The following SVIL variants were observed in gnomAD, a reference collection of about 807,000 sequenced individuals.
The protein encoded by SVIL is supervillin, also known as archvillin.
A neutral mutation model predicts 240.4 loss-of-function variants in SVIL; 101 were observed. The observed-to-expected ratio is 0.42, with a 90% CI of 0.36 to 0.50. The LOEUF is 0.50. Among genes scored for constraint, SVIL ranks in the 20% least tolerant of loss-of-function variants. The pLI, the probability that SVIL is intolerant of heterozygous loss-of-function variation, is 0.01. For missense variants in SVIL, 2,512 were observed against 2,818.7 expected (o/e 0.89, Z 2.46); for synonymous variants, 999 against 1,100.0 (o/e 0.91, Z 1.82).
intron 3 of SVIL, 139 bp from the exon 4 acceptor site, chr10:29,555,247 G>T: frequency 1.2e-6 from 1 of 845,086 alleles, no homozygotes; most frequent in Non-Finnish European, 1.8e-6. Context: ...AACTGACCAA[G>T]TTCCTGCTTT....
intron 1 of SVIL, among the ~76,000 whole-genome samples, chr10:29,714,257 TC>T (rs1279293270): frequency 6.6e-6 from 1 of 152,150 alleles, no homozygotes; most frequent in Admixed American, 6.5e-5. Flanking sequence ...GTCATCTCCA[TC>T]CCGAGGGATT....
intron 6 of SVIL, among the ~76,000 whole-genome samples, chr10:29,549,713 T>C (rs1953056196): frequency 7.0e-6 from 1 of 142,900 alleles, no homozygotes; most frequent in African/African-American, 2.6e-5. Flanking sequence ...TGAGTTCATG[T>C]CCTTTGCAGG....
At chr10:29,462,775 G>A (rs116879367) in intron 35 of SVIL, among the ~76,000 whole-genome samples, 12 of 152,166 alleles carry the variant, frequency 7.9e-5, no homozygotes, top group Non-Finnish European at 1.2e-4. Context: ...AATGACTGAC[G>A]GCGAACGACA....
intron 1 of SVIL, among the ~76,000 whole-genome samples, chr10:29,578,249 C>T (rs1046361519): frequency 6.6e-6 from 1 of 152,222 alleles, no homozygotes; most frequent in African/African-American, 2.4e-5. Context: ...AGTAACTTCT[C>T]TATTTTCCAA....
intron 1 of SVIL, chr10:29,576,251 T>TGAGAAGAAGAGTG: frequency 3.0e-6 from 1 of 334,148 alleles, no homozygotes; most frequent in Non-Finnish European, 4.3e-6. Flanking sequence ...TGTGCACTCT[T>TGAGAAGAAGAGTG]CTTCTCAATG....
chr10:29,702,158 G>A (rs908793224), intron 1 of SVIL, among the ~76,000 whole-genome samples: 2 of 125,456 alleles, frequency 1.6e-5, no homozygotes, highest in African/African-American at 3.1e-5. Flanking sequence ...CTGGGTAATA[G>A]AGCGAGACTC....
chr10:29,702,616 C>G (rs1196948714), intron 1 of SVIL, among the ~76,000 whole-genome samples: 1 of 152,222 alleles, frequency 6.6e-6, no homozygotes, highest in African/African-American at 2.4e-5. Context: ...AGGCAAGGTT[C>G]TGTCCTTTGG....
At chr10:29,592,327 G>A (rs745918015) in intron 1 of SVIL, among the ~76,000 whole-genome samples, 3 of 152,170 alleles carry the variant, frequency 2.0e-5, no homozygotes, top group Admixed American at 6.5e-5. Flanking sequence ...TGTAATATTT[G>A]CATATTCTAT....
At chr10:29,598,445 T>C (rs1956680809) in intron 1 of SVIL, among the ~76,000 whole-genome samples, 1 of 152,082 alleles carries the variant, frequency 6.6e-6, no homozygotes, top group African/African-American at 2.4e-5. Flanking sequence ...GAGGAAAACA[T>C]GAAGGGTTAA....
chr10:29,493,444 A>G (rs1454204822), intron 20 of SVIL, 53 bp from the exon 21 acceptor site: 5 of 1,587,642 alleles, frequency 3.1e-6, no homozygotes, highest in Middle Eastern at 3.4e-4. Context: ...AAGGACTCCA[A>G]TTATGCTTCA....
At chr10:29,655,014 G>A (rs373395443) in intron 3 of SVIL, among the ~76,000 whole-genome samples, 54 of 152,170 alleles carry the variant, frequency 3.5e-4, no homozygotes, top group African/African-American at 1.2e-3. Flanking sequence ...CACCAATCTC[G>A]TCCAGAAACA....
chr10:29,643,912 C>T (rs2488690), intron 3 of SVIL: 203,366 of 493,706 alleles, frequency 0.41, 42,710 homozygotes, highest in Middle Eastern at 0.53. Context: ...GTGAACTTGC[C>T]AGGGGTGAGC....
At chr10:29,564,279 T>C (rs1954774059) in intron 2 of SVIL, among the ~76,000 whole-genome samples, 1 of 152,138 alleles carries the variant, frequency 6.6e-6, no homozygotes, top group Non-Finnish European at 1.5e-5. Context: ...CAAAGACTCG[T>C]ATTTGACAAG....
chr10:29,493,091 G>A lies in SVIL; in HGVS notation c.4019+123C>T, dbSNP rs895643456. The stretch of plus-strand genomic sequence containing the variant: ...CTTGCCCTGGCTCTAGAATACTAAC[G>A]CCGCCGTGATGGAGTTAGAAGGAGA... On this transcript the variant is annotated intron_variant, in intron 21 of 37. Transcript: ENST00000355867. 9 of 1,192,088 alleles carry A rather than the reference G, an allele frequency of 7.5e-6. No homozygotes were observed. In the African/African-American group the frequency reaches 1.4e-4, roughly 18 times the overall value. 73.8% of individuals were successfully genotyped at this position (1,192,088 alleles called of 1,614,324 possible).
At chr10:29,639,377 G>T (rs1290478324), upstream of SVIL, among the ~76,000 whole-genome samples, 2 of 151,778 alleles carry the variant, frequency 1.3e-5, no homozygotes, top group African/African-American at 4.8e-5. Flanking sequence ...CACCATGTTG[G>T]CCAGGATGGT....
intron 30 of SVIL, 39 bp downstream of exon 30, chr10:29,473,799 C>A (rs370737275): frequency 1.9e-5 from 31 of 1,612,626 alleles, no homozygotes; most frequent in Admixed American, 3.3e-5. Flanking sequence ...AGAGGATGCT[C>A]CTCTCAGTCC....
chr10:29,665,301 C>T (rs1400834927), intron 2 of SVIL, among the ~76,000 whole-genome samples: 1 of 150,100 alleles, frequency 6.7e-6, no homozygotes. Flanking sequence ...TCAAAGCAAT[C>T]GTGGTGTCTC....
intron 7 of SVIL, among the ~76,000 whole-genome samples, chr10:29,534,224 C>T (rs561016862): frequency 2.0e-5 from 3 of 152,306 alleles, no homozygotes; most frequent in Admixed American, 1.3e-4. Context: ...AAAGAGAGGC[C>T]GGGCCCTGGG....
intron 1 of SVIL, among the ~76,000 whole-genome samples, chr10:29,706,002 T>C (rs543670544): frequency 2.0e-4 from 30 of 152,342 alleles, no homozygotes; most frequent in Middle Eastern, 3.4e-3. Flanking sequence ...TTTGGGTATA[T>C]ACTGAGCTAC....
Sources: gnomAD v4.1 joint callset for allele counts (sites outside exome capture counted in the v4.1 genomes callset) on GRCh38, gnomAD v4.1.1 for gene constraint, MANE v1.5 for transcripts, NCBI Gene and HGNC (gene_info 2026-07-23, HGNC 2026-07-21) for gene names.